THAP3: variants seen among roughly 807,000 people sequenced by gnomAD.
THAP3 encodes THAP domain containing 3, also known as THAP domain-containing protein 3.
In THAP3, 12 loss-of-function variants were observed where a neutral mutation model predicts 17.7. That is an observed-to-expected ratio of 0.68 (90% CI 0.43 to 1.10). The LOEUF (loss-of-function observed/expected upper bound fraction) is 1.10, where lower values mean the gene tolerates loss of function less well. THAP3 is among the 50% of genes least tolerant of loss of function. The probability of loss-of-function intolerance (pLI) is 0.00; values close to 1 mark genes in which losing one functional copy is unlikely to be tolerated. For synonymous variants in THAP3, 133 were observed against 126.9 expected, an observed-to-expected ratio of 1.05 and a Z score of -0.32; for missense variants, 289 against 318.0, an observed-to-expected ratio of 0.91 and a Z score of 0.69.
chr1:6,632,311 C>T, intron 4 of THAP3, 80 bp from the exon 5 acceptor site: 2 of 1,586,790 alleles, frequency 1.3e-6, no homozygotes, highest in Non-Finnish European at 8.6e-7. Flanking sequence ...GTTGCCACTC[C>T]CCTAGAGGGA....
downstream of THAP3, chr1:6,633,678 G>T: frequency 1.3e-6 from 1 of 777,672 alleles, no homozygotes; most frequent in Non-Finnish European, 1.7e-6. Context: ...AGAGGCCGAG[G>T]TGGGGAGATC....
intron 4 of THAP3, among the ~76,000 whole-genome samples, chr1:6,631,207 G>T (rs1218432979): frequency 6.6e-6 from 1 of 151,178 alleles, no homozygotes; most frequent in East Asian, 1.9e-4. Flanking sequence ...TTAGAAATGG[G>T]GGTCTTGCTA....
chr1:6,635,562 A>ATAAT (rs1325885357), downstream of THAP3: 4 of 1,142,088 alleles, frequency 3.5e-6, no homozygotes, highest in African/African-American at 4.7e-5. Context: ...ACCACCTTCT[A>ATAAT]TAATAATAAT....
chr1:6,633,488 C>T lies in THAP3; in HGVS notation c.*411C>T. On this transcript the variant is annotated 3_prime_UTR_variant, in exon 6 of 6. Transcript: ENST00000054650. ...TCCCCTCCTCCATCAGCCTGGACAG[C>T]CGCTCGGGGTTCTAAGGAGTGACTC... 8.9e-7 allele frequency: 1 copy of T among 1,122,842 alleles called. No individual in the cohort carries two copies. The highest frequency in any genetic ancestry group is 1.1e-6 in the Non-Finnish European group (1 of 912,292). 69.6% of individuals were successfully genotyped at this position (1,122,842 alleles called of 1,614,324 possible).
chr1:6,635,038 C>A, downstream of THAP3: 3 of 300,252 alleles, frequency 1.0e-5, no homozygotes, highest in Non-Finnish European at 1.7e-5. Context: ...TACCCTGTCC[C>A]AAGCCGAGGG....
chr1:6,628,516 C>A lies in THAP3; in HGVS notation c.92C>A (p.Pro31Gln). Residue 31 changes from proline (P) to glutamine (Q), a missense_variant, in exon 3 of 6, where the codon CCG (proline) becomes CAG (glutamine). Transcript: ENST00000054650. ...LTFHRFPFSRPELLKEWVLNI... is the reference protein window; with the variant it reads ...LTFHRFPFSRQELLKEWVLNI... ...GCCCTTAGGTTTCCGTTCAGCCGCC[C>A]GGAGCTGCTGAAGGAATGGGTGCTG... The A allele has an allele frequency of 6.2e-7, 1 of 1,612,884 alleles. No individual in the cohort carries two copies. The highest frequency in any genetic ancestry group is 1.7e-5 in the Admixed American group (1 of 59,878).
chr1:6,634,598 C>T (rs757801172), downstream of THAP3: 14 of 1,365,978 alleles, frequency 1.0e-5, no homozygotes, highest in South Asian at 2.3e-5. Context: ...TTCCAGGCCC[C>T]GAGAGACAGG....
At position 6,628,607 on chromosome 1, in the gene THAP3, A is replaced by G. The variant is rs774820986; in HGVS notation, c.183A>G (p.Pro61=). The G allele has an allele frequency of 6.2e-7, 1 of 1,613,878 alleles. No homozygotes were observed. The highest frequency in any genetic ancestry group is 2.2e-5 in the East Asian group (1 of 44,884). Residue 61 remains proline, a synonymous_variant, in exon 3 of 6, where the codon CCA becomes CCG. Transcript: ENST00000054650. ...TCATCTGCTCCGAGCACTTCCGGCC[A>G]GAGTGCTTCAGCGCCTTTGGAAACC... ...HTVICSEHFR[P]ECFSAFGNRK...
At chr1:6,634,821 CT>C, downstream of THAP3, 1 of 1,262,382 alleles carries the variant, frequency 7.9e-7, no homozygotes, top group Non-Finnish European at 1.0e-6. Flanking sequence ...GGGTCCACGC[CT>C]TTGGGTTGGG....
intron 2 of THAP3, 158 bp from the exon 3 acceptor site, chr1:6,628,341 A>C (rs553806268): frequency 9.0e-5 from 56 of 623,296 alleles, no homozygotes; most frequent in African/African-American, 8.4e-4. Flanking sequence ...CAGCTGTGAC[A>C]GAAGCTTCCA....
chr1:6,634,324 C>T (rs548979382), downstream of THAP3: 11 of 1,026,908 alleles, frequency 1.1e-5, no homozygotes, highest in South Asian at 8.4e-5. Context: ...CGGCTCGGGC[C>T]GTGGGGCCGT....
intron 4 of THAP3, among the ~76,000 whole-genome samples, chr1:6,630,679 T>A (rs952676805): frequency 4.6e-5 from 7 of 152,264 alleles, no homozygotes; most frequent in African/African-American, 1.7e-4. Context: ...CAAGTGATTC[T>A]CTTGCCTCAG....
intron 4 of THAP3, among the ~76,000 whole-genome samples, chr1:6,630,864 G>C (rs1447383840): frequency 2.7e-5 from 4 of 149,994 alleles, no homozygotes; most frequent in African/African-American, 9.9e-5. Flanking sequence ...GAGCCACCGC[G>C]CCTGGGCCCC....
chr1:6,633,615 A>G (rs1641691673), downstream of THAP3: 1 of 1,077,616 alleles, frequency 9.3e-7, no homozygotes, highest in African/African-American at 1.7e-5. Flanking sequence ...TTCTAAGAAG[A>G]CTGACTTCCG....
At chr1:6,632,368 A>AG in intron 4 of THAP3, 23 bp from the exon 5 acceptor site, 1 of 1,612,836 alleles carries the variant, frequency 6.2e-7, no homozygotes, top group Non-Finnish European at 8.5e-7. Context: ...GCTGTAGTGC[A>AG]GACTTCACCC....
chr1:6,634,763 G>A, downstream of THAP3: 1 of 1,333,632 alleles, frequency 7.5e-7, no homozygotes, highest in South Asian at 1.2e-5. Context: ...GGACCTGCAG[G>A]AGCGGGGAGC....
downstream of THAP3, chr1:6,634,363 G>GA: frequency 6.3e-6 from 7 of 1,106,040 alleles, no homozygotes; most frequent in Non-Finnish European, 8.5e-6. Context: ...AAATGGAGAT[G>GA]AATGTTACAG....
intron 3 of THAP3, among the ~76,000 whole-genome samples, chr1:6,629,435 C>T (rs1641549364): frequency 6.6e-6 from 1 of 152,212 alleles, no homozygotes; most frequent in Admixed American, 6.5e-5. Context: ...CCTGCCCCAT[C>T]TGTCCTCCCC....
In THAP3 at chr1:6,633,555, T is replaced by C. The variant is rs1641689081; in HGVS notation, c.*478T>C. 1 of 1,081,778 alleles carries C rather than the reference T, an allele frequency of 9.2e-7. No individual in the cohort carries two copies. Among genetic ancestry groups the C allele is most frequent in the East Asian group, 7.3e-5 (1 of 13,728 alleles). The allele number at this position is 1,081,778 out of a possible 1,614,324, so 67.0% of individuals were successfully genotyped here. A position where few individuals can be genotyped will look rare whatever the true frequency, so the allele number is the denominator to read the frequency against. ...TGAGTGGGCAGTGTAATAAAGTGTC[T>C]TTCTATACGGTGTCGCTCCCATCAT... On this transcript the variant is annotated 3_prime_UTR_variant, in exon 6 of 6. Coordinates refer to ENST00000054650, the MANE Select transcript of THAP3 (RefSeq NM_001195753.2).
Sources: gnomAD v4.1 joint callset for allele counts (sites outside exome capture counted in the v4.1 genomes callset) on GRCh38, gnomAD v4.1.1 for gene constraint, MANE v1.5 for transcripts, NCBI Gene and HGNC (gene_info 2026-07-23, HGNC 2026-07-21) for gene names.